The following SERHL2 variants were observed in gnomAD, a reference collection of about 807,000 sequenced individuals.
SERHL2 encodes the protein serine hydrolase-like protein 2.
SERHL2 carries 29 observed loss-of-function variants against 25.5 expected under a neutral mutation model. The observed-to-expected ratio is 1.14, with a 90% CI of 0.85 to 1.55. SERHL2 has a LOEUF of 1.55. Ranked by LOEUF, SERHL2 falls within the 40% of genes most tolerant of loss-of-function variation. The pLI is 0.00. For missense variants in SERHL2, 240 were observed against 252.3 expected (o/e 0.95, Z 0.33); for synonymous variants, 95 against 103.5 (o/e 0.92, Z 0.50).
At chr22:42,568,783 G>A (rs1484940776) in intron 9 of SERHL2, among the ~76,000 whole-genome samples, 3 of 151,962 alleles carry the variant, frequency 2.0e-5, no homozygotes, top group Admixed American at 6.5e-5. Flanking sequence ...TCGCCAACAT[G>A]GTGAAACCCT....
intron 11 of SERHL2, chr22:42,573,705 T>G (rs1418632265): frequency 2.5e-5 from 14 of 565,416 alleles, no homozygotes; most frequent in Non-Finnish European, 4.2e-5. Flanking sequence ...ACTTCACAAC[T>G]CAGCTGGCCT....
At chr22:42,564,713 G>C (rs1029368833) in intron 8 of SERHL2, among the ~76,000 whole-genome samples, 1 of 152,114 alleles carries the variant, frequency 6.6e-6, no homozygotes, top group South Asian at 2.1e-4. Context: ...TTTCAGGTGT[G>C]AGCCACCGCA....
At chr22:42,566,189 G>A (rs1601846430) in intron 8 of SERHL2, 115 bp from the exon 9 acceptor site, 1 of 1,026,052 alleles carries the variant, frequency 9.7e-7, no homozygotes, top group Non-Finnish European at 1.5e-6. Flanking sequence ...TCGGGGGCAG[G>A]TGGGAGAAAT....
In SERHL2 at chr22:42,560,247, A is replaced by G; in HGVS notation, c.595A>G (p.Thr199Ala). 1 of 1,612,010 alleles carries G rather than the reference A, an allele frequency of 6.2e-7. No individual in the cohort carries two copies. Among genetic ancestry groups the G allele is most frequent in the Non-Finnish European group, 8.5e-7 (1 of 1,178,314 alleles). The change falls in exon 8 of 12, where the codon ACC becomes GCC. Residue 199 changes from threonine (T) to alanine (A), a missense_variant. Physicochemically the swap from Thr to Ala is moderately conservative, Grantham distance 58 (BLOSUM62 0). Coordinates refer to ENST00000327678, the MANE Select transcript of SERHL2 (RefSeq NM_014509.5). Reference sequence around the variant, plus strand: ...CGGGGAGCTTCTCCTGCAAAGAGGAACCACGAAGGTGGCCACAGGTAAGGG... The same window carrying G: ...CGGGGAGCTTCTCCTGCAAAGAGGAGCCACGAAGGTGGCCACAGGTAAGGG... ...ECGELLLQRG[T>A]TKVATGLVLN...
At position 42,571,189 on chromosome 22, in the gene SERHL2, T is replaced by C. The variant is rs376877472; in HGVS notation, c.717T>C (p.His239=). The change falls in exon 10 of 12, where the codon CAT becomes CAC. Residue 239 remains histidine, a synonymous_variant. Transcript: ENST00000327678. The part of the protein sequence containing the change: ...CAHSIRKLQA[H]VLLIKAVHGY... ...ATTCCATCAGGAAGCTGCAGGCCCA[T>C]GTCCTGTTGATCAAGTAAGTCTGGA... 44 of 1,613,266 alleles carry C rather than the reference T, an allele frequency of 2.7e-5. No homozygotes were observed. Among genetic ancestry groups the C allele is most frequent in the East Asian group, 1.3e-4 (6 of 44,884 alleles).
chr22:42,563,536 GGCCCCTGAA>G, intron 8 of SERHL2: 2 of 315,984 alleles, frequency 6.3e-6, no homozygotes, highest in Non-Finnish European at 6.6e-6. Flanking sequence ...AAAAATATCT[GGCCCCTGAA>G]GCCCCGTGCT....
Position 42,566,191 on chromosome 22 carries a change from G to A in SERHL2, c.614-113G>A, listed in dbSNP as rs897433396. ...GCAGCTGAGGACGTCGGGGGCAGGT[G>A]GGAGAAATGGGCCCTGGCTGCAAAG... On this transcript the variant is annotated intron_variant, in intron 8 of 11. Transcript: ENST00000327678. The A allele has an allele frequency of 1.3e-5, 14 of 1,041,196 alleles. No homozygotes were observed. In the African/African-American group the frequency reaches 1.7e-4, roughly 13 times the overall value. 64.5% of individuals were successfully genotyped at this position (1,041,196 alleles called of 1,614,324 possible).
chr22:42,566,730 G>C (rs1316037605), intron 9 of SERHL2, among the ~76,000 whole-genome samples: 2 of 152,078 alleles, frequency 1.3e-5, no homozygotes, highest in Non-Finnish European at 2.9e-5. Context: ...AGTCAGCTCG[G>C]TGCATCTGTT....
intron 9 of SERHL2, among the ~76,000 whole-genome samples, chr22:42,568,963 C>T (rs1480620509): frequency 6.6e-6 from 1 of 151,498 alleles, no homozygotes; most frequent in Non-Finnish European, 1.5e-5. Flanking sequence ...CTCACTGCAA[C>T]CTCCACCTCC....
chr22:42,571,024 C>T, intron 9 of SERHL2, 97 bp from the exon 10 acceptor site: 1 of 1,576,524 alleles, frequency 6.3e-7, no homozygotes, highest in Non-Finnish European at 8.6e-7. Context: ...CTAAGGTGCC[C>T]TCGCCAGGAC....
chr22:42,573,631 G>C (rs867258027), intron 11 of SERHL2: 2 of 337,824 alleles, frequency 5.9e-6, no homozygotes, highest in Admixed American at 4.3e-5. Context: ...CTTTTCTCAC[G>C]GGTACCTCTT....
At chr22:42,570,249 C>T (rs1256911156) in intron 9 of SERHL2, among the ~76,000 whole-genome samples, 1 of 151,994 alleles carries the variant, frequency 6.6e-6, no homozygotes, top group African/African-American at 2.4e-5. Context: ...TGGTGAAACC[C>T]TGTCGCTACT....
At position 42,554,062 on chromosome 22, in the gene SERHL2, T is replaced by C. The variant is rs777342394; in HGVS notation, c.22+20T>C. On this transcript the variant is annotated intron_variant, in intron 1 of 11. Transcript: ENST00000327678. The stretch of plus-strand genomic sequence containing the variant: ...CACCAGGTCTGACGGGGAGGCCTTG[T>C]GCGAGCGTCCCACTGCCCACCCACC... 5.0e-6 allele frequency: 8 copies of C among 1,612,296 alleles called. 1 individual carries two copies. The Admixed American group carries it at 5.0e-5, about 10-fold the overall frequency.
chr22:42,559,601 G>C (rs1220652541), intron 7 of SERHL2, among the ~76,000 whole-genome samples: 1 of 151,550 alleles, frequency 6.6e-6, no homozygotes, highest in African/African-American at 2.4e-5. Context: ...TCCAGAAGAG[G>C]CGTTAGACAT....
chr22:42,563,701 C>T (rs1922987748), intron 8 of SERHL2, among the ~76,000 whole-genome samples: 1 of 151,802 alleles, frequency 6.6e-6, no homozygotes, highest in South Asian at 2.1e-4. Context: ...TTATTATACT[C>T]TTTTTATTTT....
chr22:42,556,981 A>C (rs535368983), intron 6 of SERHL2, among the ~76,000 whole-genome samples: 873 of 50,446 alleles, frequency 0.017, 3 homozygotes, highest in African/African-American at 0.1. Context: ...ACCACCACAC[A>C]TGACAGCCCT....
rs1448243356 is a variant in SERHL2 at position 42,568,593 on chromosome 22, CAT to C, written c.648+2257_648+2258del. 3.3e-5 allele frequency among the ~76,000 whole-genome samples: 5 copies of C among 152,092 alleles called. No individual in the cohort carries two copies. In the East Asian group the frequency reaches 7.7e-4, roughly 23 times the overall value. ...CAGGGATGGAAAGACTTCGTTAGGA[CAT>C]AAACTAAATTGCAGAAGATACACAT... On this transcript the variant is annotated intron_variant, in intron 9 of 11. Coordinates refer to ENST00000327678, the MANE Select transcript of SERHL2 (RefSeq NM_014509.5).
At chr22:42,560,710 G>T (rs1922578415) in intron 8 of SERHL2, among the ~76,000 whole-genome samples, 1 of 151,876 alleles carries the variant, frequency 6.6e-6, no homozygotes, top group South Asian at 2.1e-4. Flanking sequence ...TGTGTACTTT[G>T]CTTTTTACCC....
intron 9 of SERHL2, among the ~76,000 whole-genome samples, chr22:42,567,701 A>G (rs1389567633): frequency 4.7e-5 from 7 of 150,142 alleles, no homozygotes; most frequent in Non-Finnish European, 8.9e-5. Context: ...AAAAAAATAA[A>G]AGTTCGATTT....
Sources: allele counts gnomAD v4.1 joint callset (sites outside exome capture counted in the v4.1 genomes callset), GRCh38; gene constraint gnomAD v4.1.1; transcripts MANE v1.5; gene names NCBI Gene and HGNC (gene_info 2026-07-23, HGNC 2026-07-21).